The following CACNA1E variants were observed in gnomAD, a reference collection of about 807,000 sequenced individuals.
CACNA1E encodes the protein voltage-dependent R-type calcium channel subunit alpha-1E.
A neutral mutation model predicts 259.2 loss-of-function variants in CACNA1E; 40 were observed. The ratio of observed to expected loss-of-function variants is 0.15; its 90% confidence interval spans 0.12 to 0.20. The LOEUF is 0.20. Ranked by LOEUF, CACNA1E falls within the 10% of genes least tolerant of loss-of-function variation. The probability of loss-of-function intolerance (pLI) is 1.00; values close to 1 mark genes in which losing one functional copy is unlikely to be tolerated. For missense variants in CACNA1E, 1,874 were observed against 3,040.1 expected (o/e 0.62, Z 9.02); for synonymous variants, 1,104 against 1,138.5 (o/e 0.97, Z 0.61).
chr1:181,594,797 A>G (rs1652996404), intron 6 of CACNA1E, among the ~76,000 whole-genome samples: 1 of 152,204 alleles, frequency 6.6e-6, no homozygotes, highest in African/African-American at 2.4e-5. Flanking sequence ...TTAATTAGGA[A>G]CACCAATTCA....
At chr1:181,616,420 T>C (rs1412960958) in intron 6 of CACNA1E, among the ~76,000 whole-genome samples, 3 of 152,288 alleles carry the variant, frequency 2.0e-5, no homozygotes, top group East Asian at 1.9e-4. Context: ...TTATTTACCA[T>C]GTTGAAAGAA....
rs770631620 is a variant in CACNA1E at position 181,767,655 on chromosome 1, TTAACTC to T, written c.4881+1047_4881+1052del. Among the ~76,000 whole-genome samples, 116 of 152,370 alleles carry T rather than the reference TTAACTC, an allele frequency of 7.6e-4. 1 individual carries two copies. Among genetic ancestry groups the T allele is most frequent in the Non-Finnish European group, 1.3e-3 (90 of 68,038 alleles). The stretch of plus-strand genomic sequence containing the variant: ...TGCCTGTACTTCTTGGTTTCATTCT[TTAACTC>T]TATTACTGGAGAATTTTGTTCTCTA... On this transcript the variant is annotated intron_variant, in intron 35 of 47. Coordinates refer to ENST00000367573, the MANE Select transcript of CACNA1E (RefSeq NM_001205293.3).
At chr1:181,460,120 G>T (rs760766898) in intron 2 of CACNA1E, among the ~76,000 whole-genome samples, 4 of 152,196 alleles carry the variant, frequency 2.6e-5, no homozygotes, top group Non-Finnish European at 5.9e-5. Context: ...GCAGGCACCA[G>T]CTGATATAGG....
rs1662691992 is a variant in CACNA1E at position 181,807,197 on chromosome 1, A to C, written c.*8363A>C. On this transcript the variant is annotated 3_prime_UTR_variant, in exon 48 of 48. Coordinates refer to ENST00000367573, the MANE Select transcript of CACNA1E (RefSeq NM_001205293.3). ...ACATTTTTTTTTAAAGATTCCATAC[A>C]AACTCATTCCCTGAAAGAGAAAAAC... 1 of 151,978 alleles carries C rather than the reference A, an allele frequency of 6.6e-6. No individual in the cohort carries two copies. The highest frequency in any genetic ancestry group is 1.5e-5 in the Non-Finnish European group (1 of 67,986). 9.4% of individuals were successfully genotyped at this position (151,978 alleles called of 1,614,324 possible).
chr1:181,697,856 T>G (rs1214536585), intron 7 of CACNA1E, among the ~76,000 whole-genome samples: 1 of 152,240 alleles, frequency 6.6e-6, no homozygotes, highest in Non-Finnish European at 1.5e-5. Flanking sequence ...TACACTGCTC[T>G]GTGAAGAGCA....
Position 181,758,696 on chromosome 1 carries a change from A to G in CACNA1E, c.4495-62A>G. On this transcript the variant is annotated intron_variant, in intron 31 of 47. Transcript: ENST00000367573. This position sits in a 1 kb window ranked among gnomAD's most constrained non-coding sequence, Gnocchi z 4.2. ...ATGAGAGATGGCCAACCTCAGTGAC[A>G]TGTATTCCCCCTCTTACCTTAAGGC... 9 of 931,952 alleles carry G rather than the reference A, an allele frequency of 9.7e-6. No individual in the cohort carries two copies. The highest frequency in any genetic ancestry group is 3.5e-6 in the Non-Finnish European group (2 of 577,266). 57.7% of individuals were successfully genotyped at this position (931,952 alleles called of 1,614,324 possible). A position where few individuals can be genotyped will look rare whatever the true frequency, so the allele number is the denominator to read the frequency against.
chr1:181,542,626 A>G (rs1668678969), intron 3 of CACNA1E, among the ~76,000 whole-genome samples: 1 of 151,930 alleles, frequency 6.6e-6, no homozygotes, highest in African/African-American at 2.4e-5. Context: ...TTGTGAAGAA[A>G]GTGTCTTACT....
chr1:181,430,381 A>G (rs1405781821), intron 2 of CACNA1E, among the ~76,000 whole-genome samples: 1 of 152,222 alleles, frequency 6.6e-6, no homozygotes, highest in Non-Finnish European at 1.5e-5. Flanking sequence ...AGCTTTTATA[A>G]GAAACTCCCC....
In CACNA1E at chr1:181,733,708, A is replaced by G. The variant is rs1655751470; in HGVS notation, c.3220A>G (p.Ile1074Val). ...TTESTSVTVA[I>V]PDVDPLVDST... ...CGAGAGCACCAGCGTCACCGTCGCC[A>G]TCCCCGACGTGGACCCCTTGGTGGA... Residue 1074 changes from isoleucine (I) to valine (V), a missense_variant, in exon 21 of 48, where the codon ATC becomes GTC. Transcript: ENST00000367573. The G allele has an allele frequency of 1.9e-6, 3 of 1,589,416 alleles. No individual in the cohort carries two copies. The East Asian group carries it at 6.9e-5, about 36-fold the overall frequency.
chr1:181,685,230 G>GTTTTTTTTT (rs139598690), intron 7 of CACNA1E, among the ~76,000 whole-genome samples: 5 of 103,448 alleles, frequency 4.8e-5, no homozygotes, highest in African/African-American at 1.9e-4. Flanking sequence ...CCACCTTTAA[G>GTTTTTTTTT]TTTTTTTTTT....
intron 2 of CACNA1E, among the ~76,000 whole-genome samples, chr1:181,414,384 G>A (rs1314739833): frequency 1.3e-5 from 2 of 152,178 alleles, no homozygotes; most frequent in Non-Finnish European, 2.9e-5. Flanking sequence ...GGTGGTGGTC[G>A]TGGTGGGATT....
At chr1:181,709,885 G>A (rs1257026032) in intron 7 of CACNA1E, among the ~76,000 whole-genome samples, 1 of 152,208 alleles carries the variant, frequency 6.6e-6, no homozygotes, top group Non-Finnish European at 1.5e-5. Flanking sequence ...CACTGCACTG[G>A]TAAGGGCATC....
intron 7 of CACNA1E, among the ~76,000 whole-genome samples, chr1:181,684,093 C>G (rs896809035): frequency 6.6e-6 from 1 of 152,170 alleles, no homozygotes; most frequent in Non-Finnish European, 1.5e-5. Flanking sequence ...GATTTACATT[C>G]TCATCAACAG....
At chr1:181,762,112 C>T (rs1046796003) in intron 32 of CACNA1E, among the ~76,000 whole-genome samples, 9 of 152,170 alleles carry the variant, frequency 5.9e-5, no homozygotes, top group Non-Finnish European at 7.4e-5. Flanking sequence ...GGGCACTTGA[C>T]GCAATAGAGA....
At chr1:181,646,485 A>G (rs1658276101) in intron 6 of CACNA1E, among the ~76,000 whole-genome samples, 1 of 152,116 alleles carries the variant, frequency 6.6e-6, no homozygotes, top group African/African-American at 2.4e-5. Context: ...TTCTGAAAGG[A>G]CCATGGAATC....
At chr1:181,750,382 T>C (rs1480384073) in intron 25 of CACNA1E, 94 bp from the exon 26 acceptor site, 12 of 1,043,142 alleles carry the variant, frequency 1.2e-5, no homozygotes, top group Non-Finnish European at 1.6e-5. Flanking sequence ...CTCCCTGAAG[T>C]GTTCTGACTG....
chr1:181,730,075 G>A (rs973527852), intron 18 of CACNA1E, among the ~76,000 whole-genome samples: 3 of 152,350 alleles, frequency 2.0e-5, no homozygotes, highest in South Asian at 2.1e-4. Context: ...TGTGCACTGT[G>A]CATCTTCCAG....
intron 6 of CACNA1E, among the ~76,000 whole-genome samples, chr1:181,616,105 AT>A (rs1655181237): frequency 6.6e-6 from 1 of 151,898 alleles, no homozygotes; most frequent in Admixed American, 6.6e-5. Flanking sequence ...ATTGGGTTTG[AT>A]TTTTTACGAT....
intron 7 of CACNA1E, among the ~76,000 whole-genome samples, chr1:181,654,155 TAA>T (rs10709240): frequency 6.8e-5 from 10 of 146,678 alleles, no homozygotes; most frequent in East Asian, 5.9e-4. Flanking sequence ...GCCAATAAAT[TAA>T]AAAAAAAAAC....
Sources: gnomAD v4.1 joint callset for allele counts (sites outside exome capture counted in the v4.1 genomes callset) on GRCh38, gnomAD v4.1.1 for gene constraint, Gnocchi (gnomAD v3.1) non-coding constraint, MANE v1.5 for transcripts, NCBI Gene and HGNC (gene_info 2026-07-23, HGNC 2026-07-21) for gene names.